Variants in CADM2 observed in about 807,000 individuals in gnomAD.
The protein encoded by CADM2 is cell adhesion molecule 2.
Under a neutral mutation model 49.8 loss-of-function variants are expected in CADM2, and 12 were observed. That is an observed-to-expected ratio of 0.24 (90% confidence interval 0.15 to 0.39). The LOEUF is 0.39. CADM2 is among the 10% of genes least tolerant of loss of function. The probability of loss-of-function intolerance (pLI) is 1.00; values close to 1 mark genes in which losing one functional copy is unlikely to be tolerated. For synonymous variants in CADM2, 214 were observed against 175.4 expected (o/e 1.22, Z -1.74); for missense variants, 378 against 492.3 (o/e 0.77, Z 2.20).
intron 1 of CADM2, among the ~76,000 whole-genome samples, chr3:85,659,638 A>G (rs1004338182): frequency 6.6e-6 from 1 of 152,122 alleles, no homozygotes; most frequent in Non-Finnish European, 1.5e-5. Flanking sequence ...TGTAGCATTT[A>G]TTTTTACTAA....
intron 5 of CADM2, among the ~76,000 whole-genome samples, chr3:85,905,439 G>A (rs572229166): frequency 9.9e-5 from 15 of 152,158 alleles, no homozygotes; most frequent in Admixed American, 3.9e-4. Context: ...GACATGGAAC[G>A]AATCTACTTA....
At chr3:85,353,864 C>T (rs142901698) in intron 1 of CADM2, among the ~76,000 whole-genome samples, 1 of 151,976 alleles carries the variant, frequency 6.6e-6, no homozygotes, top group African/African-American at 2.4e-5. Context: ...ACAAAAATAT[C>T]AACTTTGTTT....
chr3:85,285,511 A>T (rs1003974926), intron 1 of CADM2, among the ~76,000 whole-genome samples: 1 of 152,186 alleles, frequency 6.6e-6, no homozygotes, highest in Non-Finnish European at 1.5e-5. Flanking sequence ...TAAATAAATG[A>T]AATAAATGAC....
intron 1 of CADM2, among the ~76,000 whole-genome samples, chr3:85,167,914 TAC>T (rs2040514819): frequency 3.3e-5 from 5 of 152,082 alleles, no homozygotes; most frequent in Admixed American, 1.3e-4. Flanking sequence ...TATATGTATA[TAC>T]ATATATATCT....
At position 85,601,130 on chromosome 3, in the gene CADM2, G is replaced by GTGTGTATA. The variant is rs1328015269; in HGVS notation, c.62-125391_62-125390insGTGTATAT. Among the ~76,000 whole-genome samples the GTGTGTATA allele has an allele frequency of 4.7e-4, 51 of 109,612 alleles. 1 individual carries two copies. Among genetic ancestry groups the GTGTGTATA allele is most frequent in the African/African-American group, 1.9e-3 (47 of 25,090 alleles). 71.9% of individuals were successfully genotyped at this position (109,612 alleles called of 152,430 possible). On this transcript the variant is annotated intron_variant, in intron 1 of 9. Coordinates refer to ENST00000383699, the MANE Select transcript of CADM2 (RefSeq NM_001167675.2). ...ATATACTGTGCATTTATATATGTGTGTATATATATATATATATATATATAT... is the reference window on the plus strand; with the variant it reads ...ATATACTGTGCATTTATATATGTGTGTGTGTATATATATATATATATATATATATATAT...
Position 85,721,601 on chromosome 3 carries a change from G to A in CADM2, c.62-4921G>A, listed in dbSNP as rs1435763048. Among the ~76,000 whole-genome samples, 5 of 152,180 alleles carry A rather than the reference G, an allele frequency of 3.3e-5. No individual in the cohort carries two copies. In the East Asian group the frequency reaches 7.7e-4, roughly 24 times the overall value. ...CGGGCAGCTCCAGGTGCCGGCATGG[G>A]CACCAGCTCTCCGTGAGGCTGCAGC... On this transcript the variant is annotated intron_variant, in intron 1 of 9. Coordinates refer to ENST00000383699, the MANE Select transcript of CADM2 (RefSeq NM_001167675.2).
chr3:85,744,297 A>G (rs1165342949), intron 2 of CADM2, among the ~76,000 whole-genome samples: 2 of 152,176 alleles, frequency 1.3e-5, no homozygotes, highest in Non-Finnish European at 2.9e-5. Context: ...TGAATATTTG[A>G]TAGCACAATG....
chr3:85,756,886 G>C (rs1209155631), intron 2 of CADM2, among the ~76,000 whole-genome samples: 2 of 152,134 alleles, frequency 1.3e-5, no homozygotes, highest in East Asian at 3.9e-4. Context: ...AGGACAGACA[G>C]AGACGTTTTA....
intron 1 of CADM2, among the ~76,000 whole-genome samples, chr3:85,698,995 T>C (rs1424299047): frequency 6.6e-6 from 1 of 152,144 alleles, no homozygotes; most frequent in Admixed American, 6.5e-5. Flanking sequence ...CAAGCTACAA[T>C]GGGGTACAGG....
At chr3:85,284,679 A>G (rs565384101) in intron 1 of CADM2, among the ~76,000 whole-genome samples, 3 of 152,162 alleles carry the variant, frequency 2.0e-5, no homozygotes, top group Non-Finnish European at 2.9e-5. Context: ...TGGGAGGTCA[A>G]TAGTGATCAA....
chr3:85,092,959 G>A (rs999219094), intron 1 of CADM2, among the ~76,000 whole-genome samples: 9 of 151,890 alleles, frequency 5.9e-5, no homozygotes, highest in Non-Finnish European at 7.4e-5. Flanking sequence ...CCTGTTTTAC[G>A]TGAATAACAT....
intron 1 of CADM2, among the ~76,000 whole-genome samples, chr3:85,025,961 C>G (rs1449693028): frequency 6.6e-6 from 1 of 152,126 alleles, no homozygotes; most frequent in East Asian, 1.9e-4. Context: ...TTTTCTGGCT[C>G]TGAATCTCTC....
chr3:85,188,903 CACTTGTAGTCCCAGCT>C (rs2041132855), intron 1 of CADM2, among the ~76,000 whole-genome samples: 1 of 151,676 alleles, frequency 6.6e-6, no homozygotes, highest in Non-Finnish European at 1.5e-5. Flanking sequence ...TGGTGGCGGG[CACTTGTAGTCCCAGCT>C]ACTCGGGAGG....
At chr3:85,247,091 G>T (rs147420172) in intron 1 of CADM2, among the ~76,000 whole-genome samples, 355 of 152,008 alleles carry the variant, frequency 2.3e-3, no homozygotes, top group African/African-American at 8.0e-3. Context: ...GTTACAATTG[G>T]CATTTGACAT....
chr3:85,321,117 T>TATATATATATATATA (rs1559778035), intron 1 of CADM2, among the ~76,000 whole-genome samples: 4 of 4,716 alleles, frequency 8.5e-4, no homozygotes, highest in African/African-American at 3.2e-3. Flanking sequence ...TATATATATA[T>TATATATATATATATA]TTTTTTTTTT....
intron 1 of CADM2, among the ~76,000 whole-genome samples, chr3:85,015,425 T>G (rs563109818): frequency 1.3e-5 from 2 of 152,306 alleles, no homozygotes; most frequent in South Asian, 4.1e-4. Flanking sequence ...CATTTAAGTT[T>G]CAATGCATCT....
At chr3:85,243,982 C>A (rs1660698383) in intron 1 of CADM2, among the ~76,000 whole-genome samples, 1 of 151,908 alleles carries the variant, frequency 6.6e-6, no homozygotes, top group Non-Finnish European at 1.5e-5. Context: ...TGTAGCCCAA[C>A]CCCCAAAGAT....
chr3:85,260,152 G>A (rs1401493741), intron 1 of CADM2, among the ~76,000 whole-genome samples: 3 of 151,830 alleles, frequency 2.0e-5, no homozygotes, highest in Admixed American at 2.0e-4. Context: ...CAATCAATGT[G>A]AAAAAATGAT....
intron 1 of CADM2, among the ~76,000 whole-genome samples, chr3:85,526,954 C>T (rs56778912): frequency 0.52 from 78,336 of 152,028 alleles, 23,150 homozygotes; most frequent in East Asian, 0.85. Flanking sequence ...GATTTTTTAA[C>T]GCTCTTTCTG....
Sources: allele counts gnomAD v4.1 joint callset (sites outside exome capture counted in the v4.1 genomes callset), GRCh38; gene constraint gnomAD v4.1.1; transcripts MANE v1.5; gene names NCBI Gene and HGNC (gene_info 2026-07-23, HGNC 2026-07-21).